The following MYH8 variants were observed in gnomAD, a reference collection of about 807,000 sequenced individuals.
MYH8 encodes the protein myosin heavy chain 8, also known as myosin-8.
A neutral mutation model predicts 233.2 loss-of-function variants in MYH8; 168 were observed. That is an observed-to-expected ratio of 0.72 (90% CI 0.64 to 0.82). MYH8 has a LOEUF of 0.82. Ranked by LOEUF, MYH8 falls within the 40% of genes least tolerant of loss-of-function variation. MYH8 has a pLI of 0.00. For synonymous variants in MYH8, 785 were observed against 850.6 expected (o/e 0.92, Z 1.34); for missense variants, 1,995 against 2,327.8 (o/e 0.86, Z 2.94).
chr17:10,417,021 A>G lies in MYH8; in HGVS notation c.512-1313T>C, dbSNP rs1259595526. Among the ~76,000 whole-genome samples, 1 of 152,216 alleles carries G rather than the reference A, an allele frequency of 6.6e-6. No individual in the cohort carries two copies. The highest frequency in any genetic ancestry group is 1.5e-5 in the Non-Finnish European group (1 of 68,034). On this transcript the variant is annotated intron_variant, in intron 5 of 39. Coordinates refer to ENST00000403437, the MANE Select transcript of MYH8 (RefSeq NM_002472.3). This position sits in a 1 kb window ranked among gnomAD's most constrained non-coding sequence, Gnocchi z 4.1. ...TACATAGCTAGTTAAGGTCAAATAT[A>G]TCCTCCTGGCCTCTTCCCAGCTTTT...
At chr17:10,391,794 G>T (rs960857265) in intron 39 of MYH8, 88 bp downstream of exon 39, 2 of 999,394 alleles carry the variant, frequency 2.0e-6, no homozygotes, top group Non-Finnish European at 3.2e-6. Flanking sequence ...TTTTCACTTT[G>T]TCTTCTTCCT....
At position 10,419,006 on chromosome 17, in the gene MYH8, CTTGGTCTTCCCTGA is replaced by C; in HGVS notation, c.221_234del (p.Val74GlyfsTer10). On this transcript the variant is annotated frameshift_variant, in exon 4 of 40. Transcript: ENST00000403437. LOFTEE classifies it high-confidence loss of function. The surrounding 1 kb of genome is among the most constrained non-coding windows in gnomAD (Gnocchi z 4.0). Reference sequence around the variant, plus strand: ...TATTTCGGAGGGTTCATAGGGAAGACTTGGTCTTCCCTGACAGTTAGAGTCTGGTGAGTAAGCAA... The same window carrying C: ...TATTTCGGAGGGTTCATAGGGAAGACCAGTTAGAGTCTGGTGAGTAAGCAA... 6.2e-7 allele frequency: 1 copy of C among 1,614,094 alleles called. No homozygotes were observed. The highest frequency in any genetic ancestry group is 1.1e-5 in the South Asian group (1 of 91,070).
rs1345990736 is a variant in MYH8, at chr17:10,395,129, T to C, written c.4962+4A>G. ...ATCTGGGAGGCGAATGTGGACCCGT[T>C]TACCTTCAGGATTCCTTGGGTGTTC... On this transcript the variant is annotated splice_donor_region_variant and intron_variant, in intron 34 of 39. Coordinates refer to ENST00000403437, the MANE Select transcript of MYH8 (RefSeq NM_002472.3). 3.7e-6 allele frequency: 6 copies of C among 1,612,788 alleles called. No individual in the cohort carries two copies. In the East Asian group the frequency reaches 8.9e-5, roughly 24 times the overall value.
rs2072311513 is a variant in MYH8 at position 10,418,906 on chromosome 17, T to C, written c.335A>G (p.Tyr112Cys). The C allele has an allele frequency of 6.2e-7, 1 of 1,614,158 alleles. No homozygotes were observed. The highest frequency in any genetic ancestry group is 8.5e-7 in the Non-Finnish European group (1 of 1,180,002). The change falls in exon 4 of 40, where the codon TAT becomes TGT. Residue 112 changes from tyrosine to cysteine, a missense_variant. Coordinates refer to ENST00000403437, the MANE Select transcript of MYH8 (RefSeq NM_002472.3). ...ACTCACGTAGATCATCCAGGCTGCA[T>C]AGCGCTCTTTGAGGTTGTACAGCAC... ...PGVLYNLKERYAAWMIYTYSG... is the reference protein window; with the variant it reads ...PGVLYNLKERCAAWMIYTYSG...
chr17:10,392,012 C>T (rs369615185), intron 38 of MYH8, 35 bp from the exon 39 acceptor site: 551 of 1,565,436 alleles, frequency 3.5e-4, no homozygotes, highest in Middle Eastern at 6.7e-4. Flanking sequence ...GCATTCATTC[C>T]GAAGAGATAA....
chr17:10,407,078 G>T, intron 17 of MYH8, 99 bp from the exon 18 acceptor site: 1 of 891,000 alleles, frequency 1.1e-6, no homozygotes, highest in Non-Finnish European at 1.8e-6. Flanking sequence ...TAACTACTAG[G>T]CATGCATCTG....
At chr17:10,409,742 A>G (rs1026590376) in intron 15 of MYH8, among the ~76,000 whole-genome samples, 154 bp from the exon 16 acceptor site, 3 of 152,248 alleles carry the variant, frequency 2.0e-5, no homozygotes, top group Non-Finnish European at 2.9e-5. Context: ...TGTTATCACT[A>G]GAATGACTTT....
At position 10,415,307 on chromosome 17, in the gene MYH8, G is replaced by A. The variant is rs140772576; in HGVS notation, c.726C>T (p.Asp242=). The change falls in exon 8 of 40, where the codon GAC becomes GAT. Residue 242 remains aspartate, a synonymous_variant. Transcript: ENST00000403437. This position sits in a 1 kb window ranked among gnomAD's most constrained non-coding sequence, Gnocchi z 4.1. ...AFGNAKTVRN[D]NSSRFGKFIR... ...AGAGACTCACAAAGCGAGAGGAGTT[G>A]TCATTCCTCACAGTTTTGGCATTGC... The A allele has an allele frequency of 8.7e-5, 141 of 1,613,704 alleles. No homozygotes were observed. In the African/African-American group the frequency reaches 1.8e-3, roughly 20 times the overall value.
Position 10,419,647 on chromosome 17 carries a change from T to C in MYH8, c.210+371A>G, listed in dbSNP as rs1329317466. On this transcript the variant is annotated intron_variant, in intron 3 of 39. Transcript: ENST00000403437. This position sits in a 1 kb window ranked among gnomAD's most constrained non-coding sequence, Gnocchi z 4.0. ...GCTAAATTTTTATTTTTTTCTTTCA[T>C]TCATTAAGAAACTTCATGTTTTTGG... Among the ~76,000 whole-genome samples, 1 of 152,156 alleles carries C rather than the reference T, an allele frequency of 6.6e-6. No individual in the cohort carries two copies. Among genetic ancestry groups the C allele is most frequent in the Non-Finnish European group, 1.5e-5 (1 of 68,034 alleles).
intron 39 of MYH8, among the ~76,000 whole-genome samples, chr17:10,390,923 G>C (rs1272561544): frequency 6.6e-6 from 1 of 152,044 alleles, no homozygotes; most frequent in Non-Finnish European, 1.5e-5. Flanking sequence ...TTATAATTGG[G>C]GAAATACCAC....
chr17:10,406,293 T>C lies in MYH8; in HGVS notation c.2276A>G (p.Tyr759Cys). The C allele has an allele frequency of 6.2e-7, 1 of 1,614,118 alleles. No homozygotes were observed. Among genetic ancestry groups the C allele is most frequent in the Middle Eastern group, 1.7e-4 (1 of 6,060 alleles). The change falls in exon 20 of 40, where the codon TAT becomes TGT. Residue 759 changes from tyrosine to cysteine, a missense_variant. Tyr to Cys is a radical substitution (Grantham distance 194). Transcript: ENST00000403437. ...LASIDIDHTQ[Y>C]KFGHTKVFFK... is the part of the protein sequence containing the mutation. ...ATATACCTTGGTATGTCCAAATTTA[T>C]ATTGAGTATGATCAATATCAATAGA...
chr17:10,412,592 T>C lies in MYH8; in HGVS notation c.1266+18A>G, dbSNP rs765710385. 1.9e-6 allele frequency: 3 copies of C among 1,614,196 alleles called. No individual in the cohort carries two copies. The highest frequency in any genetic ancestry group is 1.1e-5 in the South Asian group (1 of 91,086). Reference sequence around the variant, plus strand: ...GAAGGCCTGAGATGTGTGTGATTCATTGAGGTCATGCACTTACCTGCTGCA... The same window carrying C: ...GAAGGCCTGAGATGTGTGTGATTCACTGAGGTCATGCACTTACCTGCTGCA... On this transcript the variant is annotated intron_variant, in intron 13 of 39. Transcript: ENST00000403437.
chr17:10,392,545 G>GT lies in MYH8; in HGVS notation c.5564dup (p.Tyr1855Ter), dbSNP rs1375094521. 2 of 1,613,428 alleles carry GT rather than the reference G, an allele frequency of 1.2e-6. No individual in the cohort carries two copies. The highest frequency in any genetic ancestry group is 2.2e-5 in the South Asian group (2 of 91,068). The stretch of plus-strand genomic sequence containing the variant: ...TCTGGAAGGCTATTCCCTTTACCTG[G>GT]TAGGTGAGTTCTTTTACTCGTCGCT... ...KHERRVKELT[Y>*]QTEEDRKNVL... Residue 1855 changes from tyrosine (Y) to a stop codon, truncating the protein, a stop_gained and frameshift_variant, in exon 38 of 40, where the codon TAC becomes TAAC. Transcript: ENST00000403437. LOFTEE classifies it high-confidence loss of function.
chr17:10,407,721 A>G (rs1266592404), intron 17 of MYH8, among the ~76,000 whole-genome samples: 8 of 151,756 alleles, frequency 5.3e-5, no homozygotes, highest in African/African-American at 1.9e-4. Flanking sequence ...TGCCTGTAAT[A>G]CCAGCTACTT....
chr17:10,401,013 T>A (rs779160838), intron 25 of MYH8, 33 bp downstream of exon 25: 1 of 1,613,846 alleles, frequency 6.2e-7, no homozygotes, highest in Non-Finnish European at 8.5e-7. Context: ...AAAGATGATA[T>A]CACATAGAAG....
rs1225500775 is a variant in MYH8 at position 10,390,361 on chromosome 17, T to C, written c.*93A>G. On this transcript the variant is annotated 3_prime_UTR_variant, in exon 40 of 40. Coordinates refer to ENST00000403437, the MANE Select transcript of MYH8 (RefSeq NM_002472.3). ...TTACTGTAGTTTTTATTTATTCAGCTTTAACAGGAAAATAAACGTCATAAA... is the reference window on the plus strand; with the variant it reads ...TTACTGTAGTTTTTATTTATTCAGCCTTAACAGGAAAATAAACGTCATAAA... The C allele has an allele frequency of 2.0e-6, 3 of 1,515,398 alleles. No individual in the cohort carries two copies. Among genetic ancestry groups the C allele is most frequent in the Admixed American group, 1.7e-5 (1 of 59,820 alleles). 93.9% of individuals were successfully genotyped at this position (1,515,398 alleles called of 1,614,324 possible).
In MYH8 at chr17:10,395,328, C is replaced by T. The variant is rs759424314; in HGVS notation, c.4767G>A (p.Leu1589=). The T allele has an allele frequency of 1.2e-6, 2 of 1,614,200 alleles. No homozygotes were observed. Among genetic ancestry groups the T allele is most frequent in the South Asian group, 1.1e-5 (1 of 91,084 alleles). The change falls in exon 34 of 40, where the codon CTG becomes CTA. Residue 1589 remains leucine, a synonymous_variant. Coordinates refer to ENST00000403437, the MANE Select transcript of MYH8 (RefSeq NM_002472.3). ...IAEKDEEIDQ[L]KRNHTRVVET... ...CCACGACTCTAGTGTGGTTTCTCTT[C>T]AGCTGGTCAATTTCCTCATCCTTTT...
At chr17:10,409,858 A>C (rs2072229386) in intron 15 of MYH8, among the ~76,000 whole-genome samples, 1 of 152,152 alleles carries the variant, frequency 6.6e-6, no homozygotes, top group Non-Finnish European at 1.5e-5. Context: ...GTATTATTAT[A>C]CTTTTTTCCT....
chr17:10,411,689 C>A (rs35472523), intron 14 of MYH8, among the ~76,000 whole-genome samples: 8,132 of 152,206 alleles, frequency 0.053, 248 homozygotes, highest in South Asian at 0.12. Context: ...GATCTTAAGA[C>A]CTTTAATATA....
Sources: allele counts gnomAD v4.1 joint callset (sites outside exome capture counted in the v4.1 genomes callset), GRCh38; gene constraint gnomAD v4.1.1; non-coding constraint Gnocchi (gnomAD v3.1); transcripts MANE v1.5; gene names NCBI Gene and HGNC (gene_info 2026-07-23, HGNC 2026-07-21).